Variants in CDH18 observed in about 807,000 individuals in gnomAD.
CDH18 encodes cadherin 18, also known as cadherin-18.
Under a neutral mutation model 67.9 loss-of-function variants are expected in CDH18, and 31 were observed. The ratio of observed to expected loss-of-function variants is 0.46; its 90% CI spans 0.34 to 0.62. The LOEUF (loss-of-function observed/expected upper bound fraction) is 0.62, where lower values mean the gene tolerates loss of function less well. Among genes scored for constraint, CDH18 ranks in the 20% least tolerant of loss-of-function variants. The pLI is 0.01. For missense variants in CDH18, 890 were observed against 975.5 expected (o/e 0.91, Z 1.17); for synonymous variants, 362 against 347.2 (o/e 1.04, Z -0.48).
intron 1 of CDH18, among the ~76,000 whole-genome samples, chr5:20,350,327 GT>G (rs1401324574): frequency 6.6e-6 from 1 of 152,020 alleles, no homozygotes; most frequent in Non-Finnish European, 1.5e-5. Flanking sequence ...TTTATGATAT[GT>G]TTCAATGGTT....
chr5:20,460,379 G>A (rs536579998), intron 1 of CDH18, among the ~76,000 whole-genome samples: 27 of 150,032 alleles, frequency 1.8e-4, no homozygotes, highest in Admixed American at 1.2e-3. Flanking sequence ...TTGACAGAGC[G>A]AGACTCCATC....
chr5:20,560,540 C>T (rs372694506), intron 1 of CDH18, among the ~76,000 whole-genome samples: 116 of 149,896 alleles, frequency 7.7e-4, no homozygotes, highest in African/African-American at 2.7e-3. Context: ...CATTAAGACT[C>T]AAAGGTAATT....
intron 10 of CDH18, among the ~76,000 whole-genome samples, chr5:19,519,348 A>G (rs1445085362): frequency 6.6e-6 from 1 of 152,188 alleles, no homozygotes; most frequent in Non-Finnish European, 1.5e-5. Context: ...ACATAAACAC[A>G]AAAAAGGATG....
At chr5:20,289,221 A>G (rs1437453836) in intron 1 of CDH18, among the ~76,000 whole-genome samples, 1 of 152,044 alleles carries the variant, frequency 6.6e-6, no homozygotes, top group African/African-American at 2.4e-5. Flanking sequence ...AATATATAGT[A>G]ACTCATTTAA....
At chr5:19,974,816 C>T (rs1798353270) in intron 2 of CDH18, among the ~76,000 whole-genome samples, 1 of 152,084 alleles carries the variant, frequency 6.6e-6, no homozygotes, top group Admixed American at 6.5e-5. Context: ...AGCCCATCAG[C>T]TGGGATCCAG....
At chr5:20,554,287 G>A (rs1171410475) in intron 1 of CDH18, among the ~76,000 whole-genome samples, 1 of 152,074 alleles carries the variant, frequency 6.6e-6, no homozygotes, top group East Asian at 1.9e-4. Context: ...TGACCCAAGG[G>A]TCATAATTTC....
intron 6 of CDH18, among the ~76,000 whole-genome samples, chr5:19,605,062 T>G (rs769158972): frequency 6.6e-6 from 1 of 151,892 alleles, no homozygotes; most frequent in Non-Finnish European, 1.5e-5. Flanking sequence ...CTTATTACCA[T>G]AAACATACCT....
chr5:19,953,341 A>G (rs959139305), intron 2 of CDH18, among the ~76,000 whole-genome samples: 3 of 152,124 alleles, frequency 2.0e-5, no homozygotes, highest in Non-Finnish European at 4.4e-5. Context: ...ATAGAGGAAG[A>G]TTTATTAATC....
At chr5:20,217,319 T>C (rs1740860361) in intron 2 of CDH18, among the ~76,000 whole-genome samples, 1 of 151,802 alleles carries the variant, frequency 6.6e-6, no homozygotes, top group Non-Finnish European at 1.5e-5. Context: ...GACAATAACT[T>C]TTGAATACAT....
At chr5:20,541,435 G>A (rs557362208) in intron 1 of CDH18, among the ~76,000 whole-genome samples, 2 of 152,188 alleles carry the variant, frequency 1.3e-5, no homozygotes, top group African/African-American at 4.8e-5. Context: ...TTAAATAAAT[G>A]TATTTATAGT....
At chr5:19,752,431 C>T (rs1415044401) in intron 3 of CDH18, among the ~76,000 whole-genome samples, 1 of 152,056 alleles carries the variant, frequency 6.6e-6, no homozygotes, top group Non-Finnish European at 1.5e-5. Flanking sequence ...TGACAACCTG[C>T]AGAACTCAGC....
chr5:20,422,013 T>C (rs1489528781), intron 1 of CDH18, among the ~76,000 whole-genome samples: 1 of 150,966 alleles, frequency 6.6e-6, no homozygotes, highest in Non-Finnish European at 1.5e-5. Flanking sequence ...GACAAGTTAA[T>C]TAGGGAGGCA....
chr5:20,052,572 C>A (rs1015540739), intron 2 of CDH18, among the ~76,000 whole-genome samples: 2 of 152,096 alleles, frequency 1.3e-5, no homozygotes, highest in African/African-American at 4.8e-5. Flanking sequence ...AGAACCTCTA[C>A]AAAACCCATT....
At chr5:20,553,865 G>A (rs888939049) in intron 1 of CDH18, among the ~76,000 whole-genome samples, 2 of 151,864 alleles carry the variant, frequency 1.3e-5, no homozygotes, top group Non-Finnish European at 2.9e-5. Context: ...AAAAAAATCC[G>A]GATCGGGATT....
chr5:19,754,471 T>C (rs1771265106), intron 3 of CDH18, among the ~76,000 whole-genome samples: 1 of 152,144 alleles, frequency 6.6e-6, no homozygotes, highest in African/African-American at 2.4e-5. Flanking sequence ...ATCACAATCT[T>C]AAACATATAT....
chr5:20,002,190 A>T (rs1274139549), intron 2 of CDH18, among the ~76,000 whole-genome samples: 4 of 152,222 alleles, frequency 2.6e-5, no homozygotes, highest in African/African-American at 9.6e-5. Context: ...CATTAAAGGG[A>T]TCCAATTGAT....
chr5:20,140,636 G>A (rs969697926), intron 2 of CDH18, among the ~76,000 whole-genome samples: 1 of 152,052 alleles, frequency 6.6e-6, no homozygotes, highest in African/African-American at 2.4e-5. Context: ...TTCTCCAGAT[G>A]TGTCAGACTC....
intron 5 of CDH18, among the ~76,000 whole-genome samples, chr5:19,643,037 G>A (rs1754248079): frequency 6.6e-6 from 1 of 151,936 alleles, no homozygotes; most frequent in South Asian, 2.1e-4. Flanking sequence ...AAGATTTGCA[G>A]ACATTTCTCA....
At chr5:19,670,936 C>T (rs895586179) in intron 5 of CDH18, among the ~76,000 whole-genome samples, 1 of 151,576 alleles carries the variant, frequency 6.6e-6, no homozygotes, top group Non-Finnish European at 1.5e-5. Context: ...TGTGGCTAAA[C>T]CAAATGTATA....
Sources: allele counts gnomAD v4.1 joint callset (sites outside exome capture counted in the v4.1 genomes callset), GRCh38; gene constraint gnomAD v4.1.1; transcripts MANE v1.5; gene names NCBI Gene and HGNC (gene_info 2026-07-23, HGNC 2026-07-21).